The following ENTREP2 variants were observed in gnomAD, a reference collection of about 807,000 sequenced individuals.
ENTREP2 encodes the protein protein ENTREP2.
At chr15:29,515,586 G>A in the ENTREP2 span, among the ~76,000 whole-genome samples, 1 of 152,208 alleles carries the variant, frequency 6.6e-6, no homozygotes, top group Non-Finnish European at 1.5e-5. Flanking sequence ...GAATGAGCAA[G>A]GAAATGGATT....
the ENTREP2 span, among the ~76,000 whole-genome samples, chr15:29,388,077 A>G: frequency 6.6e-6 from 1 of 152,248 alleles, no homozygotes; most frequent in Non-Finnish European, 1.5e-5. Flanking sequence ...TTCATGTCTA[A>G]AACACCAAAA....
the ENTREP2 span, among the ~76,000 whole-genome samples, chr15:29,174,639 G>A: frequency 6.6e-6 from 1 of 150,974 alleles, no homozygotes; most frequent in African/African-American, 2.5e-5. Context: ...GCAGTGAGCT[G>A]AGATCGCGCC....
chr15:29,640,003 A>G, the ENTREP2 span, among the ~76,000 whole-genome samples: 1 of 152,184 alleles, frequency 6.6e-6, no homozygotes, highest in Non-Finnish European at 1.5e-5. Flanking sequence ...TCCTGACGTC[A>G]GGCAGTCTGC....
chr15:29,128,686 A>G, the ENTREP2 span: 1 of 886,410 alleles, frequency 1.1e-6, no homozygotes, highest in Non-Finnish European at 1.8e-6. Flanking sequence ...AGGGAGGAGG[A>G]GGAAAAAGAG....
chr15:29,253,507 A>G, the ENTREP2 span, among the ~76,000 whole-genome samples: 3 of 151,226 alleles, frequency 2.0e-5, no homozygotes, highest in Admixed American at 2.0e-4. Context: ...CAGTGGCACA[A>G]TCTCGGCTCA....
the ENTREP2 span, among the ~76,000 whole-genome samples, chr15:29,286,389 T>G: frequency 6.6e-6 from 1 of 152,212 alleles, no homozygotes; most frequent in Non-Finnish European, 1.5e-5. Context: ...CAAAATAGAA[T>G]GAAAATAACA....
the ENTREP2 span, among the ~76,000 whole-genome samples, chr15:29,635,033 C>T: frequency 1.1e-4 from 16 of 152,146 alleles, no homozygotes; most frequent in Admixed American, 3.3e-4. Flanking sequence ...TTAGTAGAGA[C>T]GGGGTTTCAC....
the ENTREP2 span, among the ~76,000 whole-genome samples, chr15:29,520,618 A>G: frequency 6.6e-6 from 1 of 152,168 alleles, no homozygotes; most frequent in Middle Eastern, 3.2e-3. Context: ...AGAGTAATCC[A>G]CATACAATGT....
chr15:29,655,098 G>A, the ENTREP2 span, among the ~76,000 whole-genome samples: 5 of 144,866 alleles, frequency 3.5e-5, no homozygotes, highest in Admixed American at 6.6e-5. Flanking sequence ...GGATTCTAAA[G>A]TGATCTGAAA....
At chr15:29,559,561 C>A in the ENTREP2 span, among the ~76,000 whole-genome samples, 1 of 152,094 alleles carries the variant, frequency 6.6e-6, no homozygotes, top group Non-Finnish European at 1.5e-5. Context: ...TCACAAGCCT[C>A]GATCCTCCTG....
the ENTREP2 span, chr15:29,196,361 T>A: frequency 6.6e-7 from 1 of 1,513,976 alleles, no homozygotes; most frequent in African/African-American, 1.4e-5. Context: ...TATATGTTAA[T>A]AAGGCTTCCT....
the ENTREP2 span, among the ~76,000 whole-genome samples, chr15:29,459,153 G>A: frequency 2.0e-4 from 31 of 152,258 alleles, no homozygotes; most frequent in Admixed American, 7.8e-4. Flanking sequence ...TTCCTGCTGC[G>A]GGGCTCAGCC....
the ENTREP2 span, among the ~76,000 whole-genome samples, chr15:29,287,663 C>T: frequency 2.0e-5 from 3 of 152,162 alleles, no homozygotes; most frequent in South Asian, 2.1e-4. Flanking sequence ...AGACATGCTA[C>T]GGTAAAGATA....
At chr15:29,644,959 A>G in the ENTREP2 span, among the ~76,000 whole-genome samples, 1 of 151,908 alleles carries the variant, frequency 6.6e-6, no homozygotes, top group African/African-American at 2.4e-5. Context: ...TTGTAATCCC[A>G]TAATTCCAGC....
chr15:29,562,248 C>T, the ENTREP2 span, among the ~76,000 whole-genome samples: 3 of 152,192 alleles, frequency 2.0e-5, no homozygotes, highest in African/African-American at 7.2e-5. Flanking sequence ...AGAAACACTA[C>T]TTGGTCAGGT....
chr15:29,657,253 G>A, the ENTREP2 span, among the ~76,000 whole-genome samples: 1 of 151,394 alleles, frequency 6.6e-6, no homozygotes, highest in Non-Finnish European at 1.5e-5. Context: ...TGGCTACAGG[G>A]TTTCACCGTA....
chr15:29,664,092 G>T, the ENTREP2 span, among the ~76,000 whole-genome samples: 4 of 151,642 alleles, frequency 2.6e-5, no homozygotes, highest in Non-Finnish European at 5.9e-5. Context: ...ATTGCTCCCA[G>T]CATATATTAC....
At chr15:29,544,672 TTTAC>T in the ENTREP2 span, among the ~76,000 whole-genome samples, 6 of 152,162 alleles carry the variant, frequency 3.9e-5, no homozygotes, top group East Asian at 1.2e-3. Flanking sequence ...AAAGAGATCT[TTTAC>T]TACAGGAAGG....
chr15:29,454,334 T>C, the ENTREP2 span, among the ~76,000 whole-genome samples: 1 of 152,206 alleles, frequency 6.6e-6, no homozygotes, highest in African/African-American at 2.4e-5. Context: ...TAGGGATGGA[T>C]TGGCAGGTGG....
Sources: allele counts gnomAD v4.1 joint callset (sites outside exome capture counted in the v4.1 genomes callset), GRCh38; gene constraint gnomAD v4.1.1; transcripts MANE v1.5; gene names NCBI Gene and HGNC (gene_info 2026-07-23, HGNC 2026-07-21).